Variants in DNAJC21 observed in about 807,000 individuals in gnomAD.
DNAJC21 encodes DnaJ heat shock protein family (Hsp40) member C21.
A neutral mutation model predicts 72.4 loss-of-function variants in DNAJC21; 63 were observed. The ratio of observed to expected loss-of-function variants is 0.87; its 90% CI spans 0.71 to 1.07. DNAJC21 has a LOEUF of 1.07. DNAJC21 is among the 50% of genes least tolerant of loss of function. The pLI is 0.00. For synonymous variants in DNAJC21, 203 were observed against 216.7 expected (o/e 0.94, Z 0.56); for missense variants, 634 against 644.8 (o/e 0.98, Z 0.18).
chr5:34,953,812 G>T (rs1765454196), intron 10 of DNAJC21, 114 bp from the exon 11 acceptor site: 1 of 540,636 alleles, frequency 1.8e-6, no homozygotes, highest in Non-Finnish European at 3.0e-6. Context: ...TAAAATTAAT[G>T]AATTAACTTT....
chr5:34,935,132 CCTG>C (rs1213484564), intron 2 of DNAJC21, among the ~76,000 whole-genome samples: 1 of 152,128 alleles, frequency 6.6e-6, no homozygotes, highest in Non-Finnish European at 1.5e-5. Context: ...ATGTAGGAGA[CCTG>C]CTTCTGAATT....
intron 10 of DNAJC21, chr5:34,951,135 C>G (rs1765351511): frequency 1.0e-6 from 1 of 985,242 alleles, no homozygotes; most frequent in Non-Finnish European, 1.2e-6. Context: ...AAGGAGGAAA[C>G]AGATGTGGGT....
At chr5:34,934,349 C>T (rs1035249914) in intron 2 of DNAJC21, among the ~76,000 whole-genome samples, 2 of 151,882 alleles carry the variant, frequency 1.3e-5, no homozygotes, top group Admixed American at 1.3e-4. Context: ...CTGCTTCAGC[C>T]TCCTGAGTAG....
intron 8 of DNAJC21, 81 bp downstream of exon 8, chr5:34,945,106 A>T: frequency 6.6e-7 from 1 of 1,518,672 alleles, no homozygotes; most frequent in Non-Finnish European, 8.9e-7. Context: ...GAGATGGAGA[A>T]TCACTCTGTT....
At chr5:34,945,058 C>G in intron 8 of DNAJC21, 33 bp downstream of exon 8, 1 of 1,602,038 alleles carries the variant, frequency 6.2e-7, no homozygotes, top group Non-Finnish European at 8.5e-7. Flanking sequence ...ACTAGAAATA[C>G]TTATCACATT....
rs767882771 is a variant in DNAJC21, at chr5:34,937,504, T to A, written c.617T>A (p.Leu206Gln). 5.6e-6 allele frequency: 9 copies of A among 1,613,998 alleles called. No homozygotes were observed. Among genetic ancestry groups the A allele is most frequent in the Non-Finnish European group, 5.1e-6 (6 of 1,179,986 alleles). ...GAGAAGAATGAGCTTGTCCGTCAGCTGGTAGCTTTCATTCGTAAAAGAGAT... is the reference window on the plus strand; with the variant it reads ...GAGAAGAATGAGCTTGTCCGTCAGCAGGTAGCTTTCATTCGTAAAAGAGAT... ...RKEKNELVRQ[L>Q]VAFIRKRDKR... is the part of the protein sequence containing the mutation. Residue 206 changes from leucine (L) to glutamine (Q), a missense_variant, in exon 5 of 12, where the codon CTG becomes CAG. Physicochemically the swap from Leu to Gln is moderately radical, Grantham distance 113. Transcript: ENST00000648817.
At chr5:34,945,170 T>G (rs1013464494) in intron 8 of DNAJC21, 145 bp downstream of exon 8, 26 of 942,966 alleles carry the variant, frequency 2.8e-5, no homozygotes, top group Non-Finnish European at 4.0e-5. Flanking sequence ...CTCCAACTTG[T>G]GGGTTCAAGT....
chr5:34,948,432 A>G (rs1006736263), intron 9 of DNAJC21, among the ~76,000 whole-genome samples: 2 of 152,226 alleles, frequency 1.3e-5, no homozygotes, highest in African/African-American at 4.8e-5. Flanking sequence ...ACTGATGGGG[A>G]TACGTTAGAA....
rs1380214307 is a variant in DNAJC21 at position 34,956,937 on chromosome 5, T to C, written c.*2223T>C. ...GGATCATTATGAAAGTAAAATGAAG[T>C]AGTATATATGAAAATGCTTTTTAAA... is the stretch of plus-strand genomic sequence containing the variant. On this transcript the variant is annotated 3_prime_UTR_variant, in exon 12 of 12. Coordinates refer to ENST00000648817, the MANE Select transcript of DNAJC21 (RefSeq NM_001012339.3). The C allele has an allele frequency of 6.6e-6, 1 of 152,206 alleles. No homozygotes were observed. Among genetic ancestry groups the C allele is most frequent in the Non-Finnish European group, 1.5e-5 (1 of 68,032 alleles). 9.4% of individuals were successfully genotyped at this position (152,206 alleles called of 1,614,324 possible). A position where few individuals can be genotyped will look rare whatever the true frequency, so the allele number is the denominator to read the frequency against.
At chr5:34,948,542 A>G (rs1765246380) in intron 9 of DNAJC21, among the ~76,000 whole-genome samples, 1 of 152,232 alleles carries the variant, frequency 6.6e-6, no homozygotes, top group Non-Finnish European at 1.5e-5. Context: ...TTTGTTAAAA[A>G]GAAATTTATG....
chr5:34,932,243 A>C (rs1764622679), intron 1 of DNAJC21, among the ~76,000 whole-genome samples: 1 of 152,118 alleles, frequency 6.6e-6, no homozygotes, highest in Admixed American at 6.5e-5. Flanking sequence ...CAACATGGTG[A>C]AACCCTGTCT....
intron 8 of DNAJC21, 87 bp downstream of exon 8, chr5:34,945,112 C>G: frequency 1.3e-6 from 2 of 1,497,534 alleles, no homozygotes; most frequent in Non-Finnish European, 1.8e-6. Flanking sequence ...GAGAATCACT[C>G]TGTTGCCCAG....
chr5:34,945,865 A>G (rs1414196588), intron 9 of DNAJC21, 62 bp downstream of exon 9: 6 of 1,201,728 alleles, frequency 5.0e-6, no homozygotes, highest in South Asian at 4.3e-5. Flanking sequence ...GCTCTTATTT[A>G]TTCAGTGTAG....
rs1262363268 is a variant in DNAJC21, at chr5:34,937,537, T to C, written c.650T>C (p.Val217Ala). Residue 217 changes from valine (V) to alanine (A), a missense_variant, in exon 5 of 12, where the codon GTG (valine) becomes GCG (alanine). By Grantham distance (64) the Val-to-Ala change is moderately conservative. Transcript: ENST00000648817. ...TTCATTCGTAAAAGAGATAAAAGAG[T>C]GCAGGCGCATCGAAAACTTGTGGAA... ...VAFIRKRDKR[V>A]QAHRKLVEEQ... The C allele has an allele frequency of 6.2e-7, 1 of 1,613,684 alleles. No homozygotes were observed. The highest frequency in any genetic ancestry group is 1.3e-5 in the African/African-American group (1 of 74,824).
At chr5:34,949,325 GAC>G (rs767411870) in intron 9 of DNAJC21, among the ~76,000 whole-genome samples, 7 of 151,286 alleles carry the variant, frequency 4.6e-5, no homozygotes, top group Non-Finnish European at 1.0e-4. Context: ...CATCATGAAA[GAC>G]AAAAAAAAAG....
At chr5:34,952,173 G>T in intron 10 of DNAJC21, 1 of 984,740 alleles carries the variant, frequency 1.0e-6, no homozygotes, top group Non-Finnish European at 1.2e-6. Flanking sequence ...AAAAATAAAG[G>T]TCTTAGATAT....
At chr5:34,949,788 T>C (rs1461836391) in intron 9 of DNAJC21, 1 of 1,519,688 alleles carries the variant, frequency 6.6e-7, no homozygotes, top group Admixed American at 2.1e-5. Flanking sequence ...ATTTGGAATA[T>C]GGAAAAGTAT....
intron 9 of DNAJC21, among the ~76,000 whole-genome samples, chr5:34,947,873 G>A (rs1018970257): frequency 1.3e-4 from 19 of 151,482 alleles, no homozygotes; most frequent in East Asian, 3.9e-4. Flanking sequence ...CCTCTTTTTC[G>A]TGAGTGCTTG....
intron 9 of DNAJC21, among the ~76,000 whole-genome samples, chr5:34,948,593 G>T (rs1002561561): frequency 3.9e-5 from 6 of 152,192 alleles, no homozygotes; most frequent in African/African-American, 1.4e-4. Context: ...CTGGCCAGGT[G>T]CGGTGGCTCA....
Sources: gnomAD v4.1 joint callset for allele counts (sites outside exome capture counted in the v4.1 genomes callset) on GRCh38, gnomAD v4.1.1 for gene constraint, MANE v1.5 for transcripts, NCBI Gene and HGNC (gene_info 2026-07-23, HGNC 2026-07-21) for gene names.